The following GRID2 variants were observed in gnomAD, a reference collection of about 807,000 sequenced individuals.
The protein encoded by GRID2 is glutamate receptor ionotropic, delta-2.
A neutral mutation model predicts 114.8 loss-of-function variants in GRID2; 33 were observed. That is an observed-to-expected ratio of 0.29 (90% CI 0.22 to 0.38). The LOEUF (loss-of-function observed/expected upper bound fraction) is 0.38, where lower values mean the gene tolerates loss of function less well. GRID2 is among the 10% of genes least tolerant of loss of function. The pLI, the probability that GRID2 is intolerant of heterozygous loss-of-function variation, is 1.00. For synonymous variants in GRID2, 505 were observed against 449.9 expected (o/e 1.12, Z -1.55); for missense variants, 1,184 against 1,257.7 (o/e 0.94, Z 0.89).
intron 1 of GRID2, among the ~76,000 whole-genome samples, chr4:92,336,524 C>T (rs1727172674): frequency 6.6e-6 from 1 of 152,152 alleles, no homozygotes; most frequent in African/African-American, 2.4e-5. Flanking sequence ...CTGACTTTGG[C>T]TGCTGCAGTA....
intron 3 of GRID2, among the ~76,000 whole-genome samples, chr4:93,090,160 A>G (rs4502650): frequency 0.46 from 70,117 of 151,926 alleles, 16,728 homozygotes; most frequent in Admixed American, 0.61. Context: ...GGGGATTGCG[A>G]TCAAATCCAT....
chr4:92,465,553 G>A lies in GRID2; in HGVS notation c.89-124578G>A, dbSNP rs138749808. Among the ~76,000 whole-genome samples, 901 of 152,192 alleles carry A rather than the reference G, an allele frequency of 5.9e-3. 8 individuals carry two copies. The highest frequency in any genetic ancestry group is 0.02 in the African/African-American group (841 of 41,540). ...AAAAACTAGTAGAATTGTAGATGAT[G>A]TTGGCACTTTCTTTGTAGTTTGCTC... On this transcript the variant is annotated intron_variant, in intron 1 of 15. Coordinates refer to ENST00000282020, the MANE Select transcript of GRID2 (RefSeq NM_001510.4).
At chr4:93,471,232 A>C (rs978342184) in intron 11 of GRID2, among the ~76,000 whole-genome samples, 1 of 152,178 alleles carries the variant, frequency 6.6e-6, no homozygotes. Context: ...TGTGCAGATG[A>C]TATTTTGATA....
intron 1 of GRID2, among the ~76,000 whole-genome samples, chr4:93,784,616 T>G (rs1279191804): frequency 6.7e-6 from 1 of 149,732 alleles, no homozygotes; most frequent in African/African-American, 2.5e-5. Flanking sequence ...ATTCAACAAT[T>G]GTATTTTATA....
intron 2 of GRID2, among the ~76,000 whole-genome samples, chr4:92,840,384 C>T (rs955946259): frequency 6.6e-6 from 1 of 151,748 alleles, no homozygotes; most frequent in African/African-American, 2.4e-5. Flanking sequence ...TTCTGTTTGT[C>T]TTGTAGTCTT....
intron 2 of GRID2, among the ~76,000 whole-genome samples, chr4:92,735,656 A>C (rs939497280): frequency 1.3e-5 from 2 of 152,154 alleles, no homozygotes; most frequent in Non-Finnish European, 2.9e-5. Flanking sequence ...AGCTGATGTA[A>C]GTGCTACTCA....
intron 4 of GRID2, among the ~76,000 whole-genome samples, chr4:93,121,854 T>C (rs974209852): frequency 6.6e-6 from 1 of 152,220 alleles, no homozygotes; most frequent in African/African-American, 2.4e-5. Context: ...ATATATTAGA[T>C]TCAGATTTTA....
At chr4:93,380,529 T>C (rs774019760) in intron 8 of GRID2, among the ~76,000 whole-genome samples, 11 of 151,556 alleles carry the variant, frequency 7.3e-5, no homozygotes, top group African/African-American at 1.5e-4. Flanking sequence ...ATTAGGAAAA[T>C]TGAAATTCCA....
chr4:92,479,158 T>C (rs982076785), intron 1 of GRID2, among the ~76,000 whole-genome samples: 1 of 152,006 alleles, frequency 6.6e-6, no homozygotes, highest in Non-Finnish European at 1.5e-5. Flanking sequence ...ATAATAATGG[T>C]GGGAAATATT....
chr4:93,694,451 G>A (rs1490381814), intron 14 of GRID2, among the ~76,000 whole-genome samples: 1 of 152,162 alleles, frequency 6.6e-6, no homozygotes, highest in East Asian at 1.9e-4. Context: ...CTACTGTCAT[G>A]TATAGGCCTC....
chr4:93,526,942 T>A (rs901312161), intron 13 of GRID2, among the ~76,000 whole-genome samples: 5 of 152,250 alleles, frequency 3.3e-5, no homozygotes, highest in African/African-American at 1.2e-4. Flanking sequence ...ATAAAATGTT[T>A]TCATGCCCTT....
At chr4:93,398,133 G>GTGTGTGTGTGTGTATATATATA in intron 9 of GRID2, among the ~76,000 whole-genome samples, 4 of 122,350 alleles carry the variant, frequency 3.3e-5, no homozygotes, top group African/African-American at 1.5e-4. Context: ...ATGTGTGTGT[G>GTGTGTGTGTGTGTATATATATA]TATATATATA....
In GRID2 at chr4:92,938,831, T is replaced by TG. The variant is rs1345633195; in HGVS notation, c.245-146163dup. On this transcript the variant is annotated intron_variant, in intron 2 of 15. Transcript: ENST00000282020. ...CATGCAGTGTTTGGTTTTTTGTCCT[T>TG]GCGATAGTTTGCTAAGAATGATGGT... Among the ~76,000 whole-genome samples the TG allele has an allele frequency of 7.5e-5, 11 of 145,696 alleles. 1 individual carries two copies. The highest frequency in any genetic ancestry group is 1.7e-4 in the Non-Finnish European group (11 of 66,094).
chr4:92,992,923 T>C (rs1754993475), intron 2 of GRID2, among the ~76,000 whole-genome samples: 1 of 152,122 alleles, frequency 6.6e-6, no homozygotes, highest in Non-Finnish European at 1.5e-5. Flanking sequence ...TTCCCAGAGC[T>C]CTGCTAGGTA....
At chr4:92,761,968 C>T (rs1280218209) in intron 2 of GRID2, among the ~76,000 whole-genome samples, 2 of 152,194 alleles carry the variant, frequency 1.3e-5, no homozygotes, top group East Asian at 3.9e-4. Context: ...CTCGCTCTGT[C>T]TCCAGGCTGG....
chr4:92,695,047 A>G (rs1435209098), intron 2 of GRID2, among the ~76,000 whole-genome samples: 3 of 151,986 alleles, frequency 2.0e-5, no homozygotes, highest in African/African-American at 7.3e-5. Context: ...GCTCACTGCA[A>G]CCCCTACTTC....
intron 11 of GRID2, among the ~76,000 whole-genome samples, chr4:93,481,423 A>G (rs1207243512): frequency 6.6e-6 from 1 of 152,120 alleles, no homozygotes; most frequent in Non-Finnish European, 1.5e-5. Flanking sequence ...TCTTGTCCTC[A>G]GCAGTATCTA....
intron 9 of GRID2, among the ~76,000 whole-genome samples, chr4:93,405,717 A>C (rs1287472147): frequency 6.6e-6 from 1 of 152,194 alleles, no homozygotes; most frequent in Non-Finnish European, 1.5e-5. Context: ...TCAGAAATGC[A>C]GTGTACCACT....
chr4:93,478,325 A>G (rs1725514669), intron 11 of GRID2, among the ~76,000 whole-genome samples: 1 of 152,018 alleles, frequency 6.6e-6, no homozygotes, highest in Admixed American at 6.6e-5. Flanking sequence ...TTAATTTTTA[A>G]TTTAGCATTT....
Sources: allele counts gnomAD v4.1 joint callset (sites outside exome capture counted in the v4.1 genomes callset), GRCh38; gene constraint gnomAD v4.1.1; transcripts MANE v1.5; gene names NCBI Gene and HGNC (gene_info 2026-07-23, HGNC 2026-07-21).